The following DOCK8 variants were observed in gnomAD, a reference collection of about 807,000 sequenced individuals.
DOCK8 encodes the protein dedicator of cytokinesis 8.
DOCK8 carries 141 observed loss-of-function variants against 245.6 expected under a neutral mutation model. That is an observed-to-expected ratio of 0.57 (90% CI 0.50 to 0.66). The LOEUF is 0.66. DOCK8 is among the 30% of genes least tolerant of loss of function. The probability of loss-of-function intolerance (pLI) is 0.00; values close to 1 mark genes in which losing one functional copy is unlikely to be tolerated. For missense variants in DOCK8, 2,965 were observed against 2,603.4 expected (o/e 1.14, Z -3.02); for synonymous variants, 1,168 against 970.2 (o/e 1.20, Z -3.79).
At chr9:282,056 A>C (rs182077800) in intron 2 of DOCK8, among the ~76,000 whole-genome samples, 1 of 152,330 alleles carries the variant, frequency 6.6e-6, no homozygotes, top group East Asian at 1.9e-4. Context: ...TGCCCTTGGC[A>C]CATTGCCACA....
Position 420,488 on chromosome 9 carries a change from A to G in DOCK8, c.3928A>G (p.Ser1310Gly). The change falls in exon 31 of 48, where the codon AGC (serine) becomes GGC (glycine). Residue 1310 changes from serine to glycine, a missense_variant. This residue lies in a region of DOCK8 where 2,825 missense variants were observed against 2,453.5 expected (regional missense o/e 1.15). Transcript: ENST00000432829. ...FLWIMKNADQSLIRKWIADLP... is the reference protein window; with the variant it reads ...FLWIMKNADQGLIRKWIADLP... ...CTGGATCATGAAAAATGCTGATCAG[A>G]GCCTCATTAGGAAGTGGATTGCTGA... The G allele has an allele frequency of 1.2e-6, 2 of 1,614,112 alleles. No individual in the cohort carries two copies. Among genetic ancestry groups the G allele is most frequent in the Non-Finnish European group, 1.7e-6 (2 of 1,180,008 alleles).
intron 33 of DOCK8, among the ~76,000 whole-genome samples, chr9:423,020 A>T (rs571027008): frequency 3.3e-5 from 5 of 151,108 alleles, no homozygotes; most frequent in African/African-American, 1.2e-4. Context: ...CAAATCTCTG[A>T]TGACATATAG....
At chr9:222,470 T>C (rs939826782) in intron 1 of DOCK8, among the ~76,000 whole-genome samples, 1 of 152,188 alleles carries the variant, frequency 6.6e-6, no homozygotes, top group Non-Finnish European at 1.5e-5. Context: ...TATACCTGTT[T>C]CTGCTCCTAC....
intron 1 of DOCK8, among the ~76,000 whole-genome samples, chr9:231,847 G>C (rs2047125567): frequency 1.3e-5 from 2 of 152,056 alleles, no homozygotes; most frequent in Admixed American, 6.6e-5. Context: ...CTGCAAACAG[G>C]GACAATTTGA....
chr9:365,312 T>G (rs749255567), intron 14 of DOCK8, among the ~76,000 whole-genome samples: 57 of 152,094 alleles, frequency 3.7e-4, no homozygotes, highest in Non-Finnish European at 2.8e-4. Context: ...CAAGGTAAGT[T>G]GGAGTGTGGG....
At chr9:355,649 T>G (rs1357332711) in intron 14 of DOCK8, among the ~76,000 whole-genome samples, 1 of 152,170 alleles carries the variant, frequency 6.6e-6, no homozygotes, top group Admixed American at 6.5e-5. Context: ...AGGGAAAAGT[T>G]GTTTTTTACC....
intron 14 of DOCK8, among the ~76,000 whole-genome samples, chr9:348,760 C>T (rs13289409): frequency 2.6e-5 from 4 of 152,102 alleles, no homozygotes; most frequent in Non-Finnish European, 5.9e-5. Context: ...GAAGTGGCTT[C>T]TTCTCTTCTG....
intron 26 of DOCK8, among the ~76,000 whole-genome samples, chr9:400,799 A>ACCC (rs2054945002): frequency 1.6e-5 from 1 of 62,570 alleles, no homozygotes; most frequent in Non-Finnish European, 3.1e-5. Context: ...CATCACCACC[A>ACCC]CCTCCACCAT....
chr9:284,591 G>A (rs1040221651), intron 2 of DOCK8: 1 of 152,072 alleles, frequency 6.6e-6, no homozygotes. Flanking sequence ...CTCATTACTC[G>A]GTATATAGCC....
At chr9:385,234 G>C (rs1239416383) in intron 22 of DOCK8, among the ~76,000 whole-genome samples, 4 of 152,204 alleles carry the variant, frequency 2.6e-5, no homozygotes, top group African/African-American at 4.8e-5. Flanking sequence ...TCCTGGAACA[G>C]AAATAGGACA....
chr9:323,136 C>A (rs2050596120), intron 7 of DOCK8, among the ~76,000 whole-genome samples: 1 of 150,122 alleles, frequency 6.7e-6, no homozygotes. Context: ...GTGCAATTAC[C>A]TAATAATAGA....
rs2056575958 is a variant in DOCK8, at chr9:428,342, C to G, written c.4339-20C>G. The G allele has an allele frequency of 1.2e-6, 2 of 1,613,950 alleles. No individual in the cohort carries two copies. The highest frequency in any genetic ancestry group is 3.3e-5 in the Admixed American group (2 of 60,024). On this transcript the variant is annotated intron_variant, in intron 34 of 47. Coordinates refer to ENST00000432829, the MANE Select transcript of DOCK8 (RefSeq NM_203447.4). ...GGCACAGTGCAGGGATTCAATGATG[C>G]TGTTCTTCCATTCCCCCAGGCGAGC...
chr9:404,971 C>G lies in DOCK8; in HGVS notation c.3288C>G (p.Phe1096Leu). ...LPTLISMRLE[F>L]LRILCSHEHY... ...CGCTCATTTCCATGAGGCTAGAGTT[C>G]CTGAGAATCCTCTGTAGCCATGAGC... is the stretch of plus-strand genomic sequence containing the variant. Residue 1096 changes from phenylalanine (F) to leucine (L), a missense_variant, in exon 27 of 48, where the codon TTC becomes TTG. This residue lies in a region of DOCK8 where 2,825 missense variants were observed against 2,453.5 expected (regional missense o/e 1.15). Transcript: ENST00000432829. 6.2e-7 allele frequency: 1 copy of G among 1,614,080 alleles called. No homozygotes were observed. Among genetic ancestry groups the G allele is most frequent in the Non-Finnish European group, 8.5e-7 (1 of 1,180,014 alleles).
intron 18 of DOCK8, 134 bp downstream of exon 18, chr9:372,420 T>C: frequency 1.3e-6 from 1 of 771,204 alleles, no homozygotes. Flanking sequence ...TCTGATAGGA[T>C]GGGAGGAATA....
intron 1 of DOCK8, among the ~76,000 whole-genome samples, chr9:236,269 A>C (rs1260733914): frequency 6.6e-6 from 1 of 152,182 alleles, no homozygotes; most frequent in Non-Finnish European, 1.5e-5. Context: ...GGTAAAAAAG[A>C]CATGCCAGCT....
At chr9:387,385 G>A (rs1050352006) in intron 23 of DOCK8, among the ~76,000 whole-genome samples, 2 of 151,590 alleles carry the variant, frequency 1.3e-5, no homozygotes, top group African/African-American at 4.9e-5. Flanking sequence ...AGAGGCTGCA[G>A]TGAGCTGAGA....
intron 4 of DOCK8, among the ~76,000 whole-genome samples, chr9:295,536 C>T (rs182000183): frequency 1.2e-3 from 185 of 152,256 alleles, no homozygotes; most frequent in African/African-American, 4.3e-3. Context: ...AAGGAATGAA[C>T]ACAAAATTCT....
chr9:393,190 G>A (rs976555481), intron 24 of DOCK8, among the ~76,000 whole-genome samples: 7 of 151,070 alleles, frequency 4.6e-5, no homozygotes, highest in Non-Finnish European at 8.8e-5. Flanking sequence ...TTCCCAATGC[G>A]GAATTCAGCA....
At chr9:387,076 C>G (rs2053985981) in intron 23 of DOCK8, among the ~76,000 whole-genome samples, 1 of 152,204 alleles carries the variant, frequency 6.6e-6, no homozygotes, top group Non-Finnish European at 1.5e-5. Context: ...CTAATTTCCT[C>G]TCTTCTAGGC....
Sources: gnomAD v4.1 joint callset for allele counts (sites outside exome capture counted in the v4.1 genomes callset) on GRCh38, gnomAD v4.1.1 for gene constraint, gnomAD v4.1.1 regional missense constraint, MANE v1.5 for transcripts, NCBI Gene and HGNC (gene_info 2026-07-23, HGNC 2026-07-21) for gene names.